Variants in CD109 observed in about 807,000 individuals in gnomAD.
CD109 encodes the protein CD109 antigen.
CD109 carries 149 observed loss-of-function variants against 165.8 expected under a neutral mutation model. The ratio of observed to expected loss-of-function variants is 0.90; its 90% CI spans 0.79 to 1.03. CD109 has a LOEUF of 1.03. Among genes scored for constraint, CD109 ranks in the 50% least tolerant of loss-of-function variants. The pLI is 0.00. For synonymous variants in CD109, 585 were observed against 592.1 expected (o/e 0.99, Z 0.18); for missense variants, 1,712 against 1,677.8 (o/e 1.02, Z -0.36).
At position 73,768,128 on chromosome 6, in the gene CD109, C is replaced by A. The variant is rs756671859; in HGVS notation, c.1571C>A (p.Ser524Tyr). The change falls in exon 14 of 33, where the codon TCT becomes TAT. Residue 524 changes from serine to tyrosine, a missense_variant. Ser to Tyr is a moderately radical substitution (Grantham distance 144). Transcript: ENST00000287097. ...ATGTTCTCTTTAACACCAGAAAATT[C>A]TTGGACTCCAAAAGCCTGTGTAATT... ...STMFSLTPENSWTPKACVIVY... is the reference protein window; with the variant it reads ...STMFSLTPENYWTPKACVIVY... 2 of 1,611,654 alleles carry A rather than the reference C, an allele frequency of 1.2e-6. No homozygotes were observed. Among genetic ancestry groups the A allele is most frequent in the African/African-American group, 1.3e-5 (1 of 74,954 alleles).
rs778695528 is a variant in CD109, at chr6:73,782,686, C to T, written c.2036C>T (p.Ser679Phe). 1 of 1,613,926 alleles carries T rather than the reference C, an allele frequency of 6.2e-7. No individual in the cohort carries two copies. Among genetic ancestry groups the T allele is most frequent in the South Asian group, 1.1e-5 (1 of 91,056 alleles). Residue 679 changes from serine (S) to phenylalanine (F), a missense_variant, in exon 18 of 33, where the codon TCT becomes TTT. Transcript: ENST00000287097. ...CATATTGTAGATATTCATGACTTTT[C>T]TTTGGGTAGCAGTCCACATGTCCGA... ...EGHIVDIHDFSLGSSPHVRKH... is the reference protein window; with the variant it reads ...EGHIVDIHDFFLGSSPHVRKH...
chr6:73,810,289 A>T, intron 27 of CD109, 115 bp downstream of exon 27: 1 of 312,038 alleles, frequency 3.2e-6, no homozygotes, highest in East Asian at 9.8e-5. Context: ...TGTTATATAT[A>T]AAAAATATTT....
At chr6:73,730,039 C>A (rs190937786) in intron 3 of CD109, among the ~76,000 whole-genome samples, 1 of 152,254 alleles carries the variant, frequency 6.6e-6, no homozygotes, top group African/African-American at 2.4e-5. Context: ...TTCTGACCTG[C>A]AATAACTGTT....
the CD109 span, among the ~76,000 whole-genome samples, chr6:73,681,366 G>GTGTGTAT: frequency 6.7e-6 from 1 of 149,678 alleles, no homozygotes; most frequent in Non-Finnish European, 1.5e-5. Flanking sequence ...GTGTGTATGT[G>GTGTGTAT]GTGAGACATT....
At chr6:73,790,096 G>A (rs1303909071) in intron 22 of CD109, among the ~76,000 whole-genome samples, 1 of 93,392 alleles carries the variant, frequency 1.1e-5, no homozygotes, top group Non-Finnish European at 2.2e-5. Context: ...CATGCTAAAA[G>A]TCCTTTTTTT....
At chr6:73,681,893 G>A in the CD109 span, among the ~76,000 whole-genome samples, 273 of 152,060 alleles carry the variant, frequency 1.8e-3, 1 homozygote, top group Non-Finnish European at 2.8e-3. Flanking sequence ...CTGAGCCACC[G>A]CACCTGGCTG....
upstream of CD109, chr6:73,693,993 C>A (rs1463125771): frequency 6.6e-6 from 1 of 151,870 alleles, no homozygotes; most frequent in Non-Finnish European, 1.5e-5. Context: ...TCAAGCAATT[C>A]TCTTGCCTCA....
At chr6:73,748,810 G>T (rs1773078026) in intron 5 of CD109, among the ~76,000 whole-genome samples, 1 of 152,196 alleles carries the variant, frequency 6.6e-6, no homozygotes, top group Non-Finnish European at 1.5e-5. Context: ...GAAAGGGAAG[G>T]AAAGGATGAT....
intron 24 of CD109, 32 bp downstream of exon 24, chr6:73,803,333 G>A (rs755694551): frequency 6.5e-7 from 1 of 1,533,406 alleles, no homozygotes; most frequent in Non-Finnish European, 9.0e-7. Flanking sequence ...ACAAATCCGT[G>A]TCATGGAATG....
intron 15 of CD109, among the ~76,000 whole-genome samples, chr6:73,774,744 GTC>G (rs1774175550): frequency 6.6e-6 from 1 of 152,186 alleles, no homozygotes; most frequent in African/African-American, 2.4e-5. Context: ...TTCTGACTAT[GTC>G]TGCTGCTGTG....
At position 73,742,861 on chromosome 6, in the gene CD109, G is replaced by T. The variant is rs185315396; in HGVS notation, c.633+6353G>T. On this transcript the variant is annotated intron_variant, in intron 5 of 32. Coordinates refer to ENST00000287097, the MANE Select transcript of CD109 (RefSeq NM_133493.5). ...CCCAGATCACAATTTACTAATTTTGGCATGGGAGCTAGGAGTTTGAATTTT... is the reference window on the plus strand; with the variant it reads ...CCCAGATCACAATTTACTAATTTTGTCATGGGAGCTAGGAGTTTGAATTTT... Among the ~76,000 whole-genome samples the T allele has an allele frequency of 1.0e-3, 157 of 152,306 alleles. 1 individual carries two copies. In the East Asian group the frequency reaches 0.023, roughly 23 times the overall value.
intron 15 of CD109, among the ~76,000 whole-genome samples, chr6:73,776,583 A>G: frequency 1.9e-5 from 2 of 106,994 alleles, no homozygotes; most frequent in African/African-American, 3.8e-5. Context: ...TTTTTGACAG[A>G]GCCTTGATCT....
chr6:73,782,745 A>C lies in CD109; in HGVS notation c.2095A>C (p.Thr699Pro). 6.2e-7 allele frequency: 1 copy of C among 1,613,746 alleles called. No homozygotes were observed. Among genetic ancestry groups the C allele is most frequent in the Admixed American group, 1.7e-5 (1 of 59,940 alleles). The change falls in exon 18 of 33, where the codon ACC becomes CCC. Residue 699 changes from threonine to proline, a missense_variant. Coordinates refer to ENST00000287097, the MANE Select transcript of CD109 (RefSeq NM_133493.5). Reference sequence around the variant, plus strand: ...TCCAGAGACTTGGATTTGGCTAGACACCAACATGGGGTAAAAATTTATAAA... The same window carrying C: ...TCCAGAGACTTGGATTTGGCTAGACCCCAACATGGGGTAAAAATTTATAAA... ...HFPETWIWLDTNMGYRIYQEF... is the reference protein window; with the variant it reads ...HFPETWIWLDPNMGYRIYQEF...
upstream of CD109, chr6:73,694,735 T>C (rs1770762533): frequency 6.6e-6 from 1 of 152,366 alleles, no homozygotes; most frequent in African/African-American, 2.4e-5. Context: ...CACATTGGCA[T>C]GTGAGAAGCA....
Position 73,815,048 on chromosome 6 carries a change from A to G in CD109, c.3836A>G (p.Glu1279Gly). Residue 1279 changes from glutamate (E) to glycine (G), a missense_variant, in exon 30 of 33, where the codon GAA (glutamate) becomes GGA (glycine). Coordinates refer to ENST00000287097, the MANE Select transcript of CD109 (RefSeq NM_133493.5). ...SRRRRSIQNQ[E>G]AFDLDVAVKE... The stretch of plus-strand genomic sequence containing the variant: ...AGACGAAGATCTATCCAAAATCAAG[A>G]AGCCTTTGATTTAGATGTTGCTGTA... The G allele has an allele frequency of 6.3e-7, 1 of 1,587,630 alleles. No homozygotes were observed. Among genetic ancestry groups the G allele is most frequent in the Non-Finnish European group, 8.5e-7 (1 of 1,170,648 alleles).
chr6:73,696,050 C>T (rs1385172377), upstream of CD109: 6 of 642,290 alleles, frequency 9.3e-6, no homozygotes, highest in Non-Finnish European at 1.6e-5. Flanking sequence ...GCCTCCAAGT[C>T]CTGTCTCAAT....
intron 22 of CD109, 95 bp from the exon 23 acceptor site, chr6:73,792,531 C>T (rs2150269964): frequency 2.0e-6 from 2 of 1,018,886 alleles, no homozygotes; most frequent in South Asian, 2.8e-5. Context: ...GCTTCAATGA[C>T]AGAGGTCTTC....
chr6:73,723,327 T>C (rs770978690), intron 3 of CD109, 48 bp downstream of exon 3: 2 of 1,305,786 alleles, frequency 1.5e-6, no homozygotes, highest in Non-Finnish European at 2.2e-6. Context: ...ATTGTATCAG[T>C]GAACTAAATA....
intron 24 of CD109, among the ~76,000 whole-genome samples, chr6:73,804,917 C>T (rs1421467602): frequency 6.6e-6 from 1 of 152,146 alleles, no homozygotes; most frequent in Non-Finnish European, 1.5e-5. Flanking sequence ...CATCACTGGC[C>T]ATCAGAGAAA....
Sources: allele counts gnomAD v4.1 joint callset (sites outside exome capture counted in the v4.1 genomes callset), GRCh38; gene constraint gnomAD v4.1.1; transcripts MANE v1.5; gene names NCBI Gene and HGNC (gene_info 2026-07-23, HGNC 2026-07-21).